PRELID2: variants seen among roughly 807,000 people sequenced by gnomAD.
PRELID2 encodes the protein PRELI domain-containing protein 2.
Under a neutral mutation model 28.4 loss-of-function variants are expected in PRELID2, and 25 were observed. That is an observed-to-expected ratio of 0.88 (90% CI 0.64 to 1.23). The LOEUF (loss-of-function observed/expected upper bound fraction) is 1.23, where lower values mean the gene tolerates loss of function less well. Among genes scored for constraint, PRELID2 ranks in the 50% most tolerant of loss-of-function variants. The pLI is 0.00. For synonymous variants in PRELID2, 76 were observed against 71.6 expected, an observed-to-expected ratio of 1.06 and a Z score of -0.31; for missense variants, 201 against 214.4, an observed-to-expected ratio of 0.94 and a Z score of 0.39.
intron 1 of PRELID2, among the ~76,000 whole-genome samples, chr5:145,527,946 G>C (rs1752623241): frequency 6.6e-6 from 1 of 152,026 alleles, no homozygotes. Context: ...TTCTTGCCCT[G>C]TTGTCCCATT....
intron 1 of PRELID2, among the ~76,000 whole-genome samples, chr5:145,612,036 T>C (rs1016988679): frequency 6.6e-6 from 1 of 152,198 alleles, no homozygotes; most frequent in Non-Finnish European, 1.5e-5. Context: ...CAGAGCAGTG[T>C]GAAAACCAGG....
chr5:145,543,946 A>G (rs761412064), intron 1 of PRELID2, among the ~76,000 whole-genome samples: 1 of 152,076 alleles, frequency 6.6e-6, no homozygotes, highest in African/African-American at 2.4e-5. Context: ...TGAAATTTCA[A>G]CCTGAGGTTT....
intron 1 of PRELID2, among the ~76,000 whole-genome samples, chr5:145,726,444 C>T (rs1252236181): frequency 6.6e-6 from 1 of 152,136 alleles, no homozygotes; most frequent in East Asian, 1.9e-4. Flanking sequence ...AAATTTTAGT[C>T]AAGCTGAGAA....
intron 1 of PRELID2, 64 bp from the exon 2 acceptor site, chr5:145,823,198 T>C (rs1754950452): frequency 8.6e-6 from 7 of 809,380 alleles, no homozygotes; most frequent in Middle Eastern, 2.4e-4. Context: ...TATTTAGAAG[T>C]AACCACAGCT....
At chr5:145,229,950 G>A in the PRELID2 span, 514 of 747,140 alleles carry the variant, frequency 6.9e-4, 1 homozygote, top group African/African-American at 7.9e-3. Context: ...GAGCGTGAAC[G>A]TGCAGGGTGA....
Position 145,508,298 on chromosome 5 carries a change from T to TAGATTA in PRELID2, n.71-34984_71-34983insTAATCT, listed in dbSNP as rs1561496164. Among the ~76,000 whole-genome samples the TAGATTA allele has an allele frequency of 8.4e-5, 8 of 95,002 alleles. No homozygotes were observed. The East Asian group carries it at 3.5e-3, about 41-fold the overall frequency. 62.3% of individuals were successfully genotyped at this position (95,002 alleles called of 152,430 possible). On this transcript the variant is annotated intron_variant and non_coding_transcript_variant, in intron 1 of 2. Transcript: ENST00000510259. ...TAGATAGATAGATAGATAGATAGAT[T>TAGATTA]AAAAAATGTAAAGATTATCTATTAA...
intron 1 of PRELID2, among the ~76,000 whole-genome samples, chr5:145,606,898 T>A (rs1753512657): frequency 6.6e-6 from 1 of 152,148 alleles, no homozygotes; most frequent in Non-Finnish European, 1.5e-5. Flanking sequence ...TGGTAGACTT[T>A]TTATTACTGA....
intron 1 of PRELID2, among the ~76,000 whole-genome samples, chr5:145,618,376 C>G (rs1308482265): frequency 6.6e-6 from 1 of 152,142 alleles, no homozygotes; most frequent in Non-Finnish European, 1.5e-5. Context: ...CAATTTGTTC[C>G]CTTGATGTAG....
intron 4 of PRELID2, 38 bp from the exon 5 acceptor site, chr5:145,796,585 C>T (rs1192260383): frequency 5.2e-6 from 7 of 1,334,224 alleles, no homozygotes; most frequent in Middle Eastern, 1.8e-4. Context: ...TGATGTCATT[C>T]TATGCTTGGA....
At position 145,747,035 on chromosome 5, in the gene PRELID2, G is replaced by A. The variant is rs185598622; in HGVS notation, n.70+17896C>T. On this transcript the variant is annotated intron_variant and non_coding_transcript_variant, in intron 1 of 2. Transcript: ENST00000510259. ...ATCTCTGGGACACAGCTAACACAGT[G>A]TTAAGAGGGAAATTTATAGCACTAA... 1.5e-3 allele frequency among the ~76,000 whole-genome samples: 231 copies of A among 152,258 alleles called. 2 individuals carry two copies. Among genetic ancestry groups the A allele is most frequent in the African/African-American group, 5.4e-3 (225 of 41,556 alleles).
At chr5:145,816,417 C>G (rs548094751) in intron 4 of PRELID2, among the ~76,000 whole-genome samples, 28 of 152,074 alleles carry the variant, frequency 1.8e-4, no homozygotes, top group Non-Finnish European at 4.0e-4. Flanking sequence ...CCTTGAAACA[C>G]AAAAGTTTCT....
At chr5:145,429,441 G>C in the PRELID2 span, among the ~76,000 whole-genome samples, 56 of 152,206 alleles carry the variant, frequency 3.7e-4, 1 homozygote, top group South Asian at 0.011. Context: ...AGGAATATGA[G>C]GAGTCTAGGT....
intron 5 of PRELID2, among the ~76,000 whole-genome samples, chr5:145,766,007 A>C (rs1249900376): frequency 6.6e-6 from 1 of 152,148 alleles, no homozygotes; most frequent in Non-Finnish European, 1.5e-5. Flanking sequence ...GTCCATACCC[A>C]CCTATCTACT....
chr5:145,617,366 G>A (rs1195927675), intron 1 of PRELID2, among the ~76,000 whole-genome samples: 1 of 152,164 alleles, frequency 6.6e-6, no homozygotes, highest in Non-Finnish European at 1.5e-5. Context: ...AGAGATTGCA[G>A]TAAAGACAGG....
At chr5:145,244,350 G>T in the PRELID2 span, among the ~76,000 whole-genome samples, 1 of 152,050 alleles carries the variant, frequency 6.6e-6, no homozygotes, top group Non-Finnish European at 1.5e-5. Flanking sequence ...CAGACCACTT[G>T]TACTCCCTGT....
intron 1 of PRELID2, among the ~76,000 whole-genome samples, chr5:145,645,373 G>GTTTTT (rs1754180322): frequency 4.6e-5 from 1 of 21,704 alleles, no homozygotes; most frequent in African/African-American, 2.0e-4. Context: ...TTGGCTTTTT[G>GTTTTT]CTTTCCATTT....
At chr5:145,720,333 T>TA (rs1011488161) in intron 1 of PRELID2, among the ~76,000 whole-genome samples, 56 of 147,068 alleles carry the variant, frequency 3.8e-4, no homozygotes, top group Non-Finnish European at 4.7e-4. Context: ...AAGATAATTT[T>TA]AAAAAAAAAA....
At chr5:145,814,073 T>G (rs1011819102) in intron 4 of PRELID2, among the ~76,000 whole-genome samples, 3 of 152,192 alleles carry the variant, frequency 2.0e-5, no homozygotes, top group South Asian at 4.1e-4. Context: ...TCAGAACTGG[T>G]TTTTTTACAA....
At chr5:145,609,543 T>A (rs552978526) in intron 1 of PRELID2, among the ~76,000 whole-genome samples, 6 of 152,212 alleles carry the variant, frequency 3.9e-5, no homozygotes, top group Non-Finnish European at 7.3e-5. Context: ...GCTGTCTGAG[T>A]GCTTCCTGGG....
Sources: allele counts gnomAD v4.1 joint callset (sites outside exome capture counted in the v4.1 genomes callset), GRCh38; gene constraint gnomAD v4.1.1; transcripts MANE v1.5; gene names NCBI Gene and HGNC (gene_info 2026-07-23, HGNC 2026-07-21).